HHAT: variants seen among roughly 807,000 people sequenced by gnomAD.
HHAT encodes the protein protein-cysteine N-palmitoyltransferase HHAT.
Under a neutral mutation model 70.8 loss-of-function variants are expected in HHAT, and 47 were observed. The ratio of observed to expected loss-of-function variants is 0.66; its 90% CI spans 0.53 to 0.85. The LOEUF (loss-of-function observed/expected upper bound fraction) is 0.85. HHAT is among the 40% of genes least tolerant of loss of function. The pLI, the probability that HHAT is intolerant of heterozygous loss-of-function variation, is 0.00. For missense variants in HHAT, 609 were observed against 604.8 expected, an observed-to-expected ratio of 1.01 and a Z score of -0.07; for synonymous variants, 228 against 247.6, an observed-to-expected ratio of 0.92 and a Z score of 0.74.
At chr1:210,497,806 C>G (rs890177643) in intron 8 of HHAT, among the ~76,000 whole-genome samples, 3 of 150,096 alleles carry the variant, frequency 2.0e-5, no homozygotes, top group Non-Finnish European at 1.5e-5. Flanking sequence ...GGCTCTGTTG[C>G]CCAGGCTGGA....
intron 8 of HHAT, among the ~76,000 whole-genome samples, chr1:210,499,383 T>A (rs2094710821): frequency 6.6e-6 from 1 of 152,146 alleles, no homozygotes; most frequent in Non-Finnish European, 1.5e-5. Flanking sequence ...ACGCCTGTAA[T>A]CCCAACACTT....
chr1:210,477,234 G>C (rs746321162), intron 8 of HHAT, among the ~76,000 whole-genome samples: 1 of 152,086 alleles, frequency 6.6e-6, no homozygotes, highest in Non-Finnish European at 1.5e-5. Context: ...ACCATATAAA[G>C]GCAACTGATC....
At chr1:210,457,423 A>G (rs971707135) in intron 7 of HHAT, among the ~76,000 whole-genome samples, 1 of 152,346 alleles carries the variant, frequency 6.6e-6, no homozygotes, top group Admixed American at 6.5e-5. Context: ...TGATGTGGAC[A>G]AAGTAAAAGT....
chr1:210,511,912 C>G lies in HHAT; in HGVS notation c.1008-1241C>G, dbSNP rs535434379. Among the ~76,000 whole-genome samples the G allele has an allele frequency of 8.6e-5, 13 of 151,316 alleles. No individual in the cohort carries two copies. In the South Asian group the frequency reaches 2.7e-3, roughly 32 times the overall value. On this transcript the variant is annotated intron_variant, in intron 8 of 11. Transcript: ENST00000261458. Reference sequence around the variant, plus strand: ...TCACGCCATTCTCCTGCTTCAGCCTCCTGACTAAGTGAGACTTCACTGGCC... The same window carrying G: ...TCACGCCATTCTCCTGCTTCAGCCTGCTGACTAAGTGAGACTTCACTGGCC...
chr1:210,555,822 T>C (rs1478059037), intron 9 of HHAT, among the ~76,000 whole-genome samples: 1 of 152,204 alleles, frequency 6.6e-6, no homozygotes, highest in East Asian at 1.9e-4. Context: ...TATGCATGTG[T>C]TGGACTCCAA....
chr1:210,460,523 C>T (rs1401180838), intron 7 of HHAT, among the ~76,000 whole-genome samples: 2 of 152,018 alleles, frequency 1.3e-5, no homozygotes, highest in Admixed American at 6.6e-5. Context: ...TGCCTGTCCT[C>T]GGGGTGTGGG....
intron 11 of HHAT, among the ~76,000 whole-genome samples, chr1:210,628,852 A>G (rs974993471): frequency 6.6e-6 from 1 of 152,218 alleles, no homozygotes; most frequent in Admixed American, 6.5e-5. Context: ...ACTCATTCCC[A>G]TCATATCTTC....
At chr1:210,336,029 G>T (rs747528924) in intron 1 of HHAT, among the ~76,000 whole-genome samples, 9 of 152,158 alleles carry the variant, frequency 5.9e-5, no homozygotes, top group Non-Finnish European at 1.0e-4. Context: ...TTCAAAACCA[G>T]ACAACTAAAT....
intron 9 of HHAT, among the ~76,000 whole-genome samples, chr1:210,543,267 T>C (rs1247510292): frequency 6.6e-6 from 1 of 151,980 alleles, no homozygotes; most frequent in African/African-American, 2.4e-5. Context: ...ATTTCATCAG[T>C]AGGATGGTTT....
At position 210,609,816 on chromosome 1, in the gene HHAT, T is replaced by C. The variant is rs575413348; in HGVS notation, c.1246-13710T>C. 2.0e-5 allele frequency among the ~76,000 whole-genome samples: 3 copies of C among 152,296 alleles called. No homozygotes were observed. The South Asian group carries it at 6.2e-4, about 32-fold the overall frequency. ...CTGAGGATAATGGCTTTCAACTCCA[T>C]CCATGTCCCTTCAAAGGATGTGATC... On this transcript the variant is annotated intron_variant, in intron 10 of 11. Transcript: ENST00000261458.
At chr1:210,415,053 A>C (rs375433240) in intron 6 of HHAT, among the ~76,000 whole-genome samples, 3 of 152,090 alleles carry the variant, frequency 2.0e-5, no homozygotes, top group East Asian at 3.9e-4. Context: ...AAAAATAACT[A>C]AACTCTCACC....
intron 7 of HHAT, among the ~76,000 whole-genome samples, chr1:210,426,728 G>C (rs569140610): frequency 6.6e-6 from 1 of 152,118 alleles, no homozygotes; most frequent in African/African-American, 2.4e-5. Flanking sequence ...TTAGTGTGGT[G>C]GTGGATTCAG....
At chr1:210,503,383 T>C (rs900342372) in intron 8 of HHAT, among the ~76,000 whole-genome samples, 3 of 152,168 alleles carry the variant, frequency 2.0e-5, no homozygotes, top group African/African-American at 7.2e-5. Context: ...AAGCCAGGCT[T>C]TCCCTCAGAA....
intron 2 of HHAT, among the ~76,000 whole-genome samples, chr1:210,361,866 C>T (rs1207857012): frequency 1.3e-5 from 2 of 152,144 alleles, no homozygotes; most frequent in Non-Finnish European, 2.9e-5. Context: ...CAGTTGCCTA[C>T]AGGACATCGC....
At position 210,426,518 on chromosome 1, in the gene HHAT, A is replaced by G. The variant is rs764370245; in HGVS notation, c.856+8193A>G. 3.9e-5 allele frequency among the ~76,000 whole-genome samples: 6 copies of G among 152,224 alleles called. No homozygotes were observed. The South Asian group carries it at 1.0e-3, about 26-fold the overall frequency. ...TTATTATTTTGAGGTATGTTCCTTT[A>G]ATATCTAGTTTATTGAGAGTGTTTA... On this transcript the variant is annotated intron_variant, in intron 7 of 11. Coordinates refer to ENST00000261458, the MANE Select transcript of HHAT (RefSeq NM_018194.6).
chr1:210,601,956 A>AGAGAGT (rs374229402), intron 10 of HHAT, among the ~76,000 whole-genome samples: 2 of 91,080 alleles, frequency 2.2e-5, no homozygotes, highest in African/African-American at 7.2e-5. Flanking sequence ...AGAGAGAGAG[A>AGAGAGT]GTATGTGTGT....
chr1:210,355,990 C>T (rs150053237), intron 2 of HHAT, among the ~76,000 whole-genome samples: 86 of 152,186 alleles, frequency 5.7e-4, no homozygotes, highest in African/African-American at 1.7e-3. Context: ...AGTCCTAGCT[C>T]GCTGCAAACT....
rs192226124 is a variant in HHAT, at chr1:210,535,565, C to T, written c.1043+22377C>T. ...ATCAGTAGGAGGGGGTAGACCAGTCCGCTTGGTGTGCAAACAGCTCTGTTC... is the reference window on the plus strand; with the variant it reads ...ATCAGTAGGAGGGGGTAGACCAGTCTGCTTGGTGTGCAAACAGCTCTGTTC... On this transcript the variant is annotated intron_variant, in intron 9 of 11. Coordinates refer to ENST00000261458, the MANE Select transcript of HHAT (RefSeq NM_018194.6). Among the ~76,000 whole-genome samples, 808 of 151,964 alleles carry T rather than the reference C, an allele frequency of 5.3e-3. 3 individuals are homozygous for T. The highest frequency in any genetic ancestry group is 9.2e-3 in the Non-Finnish European group (624 of 67,972).
rs1316112689 is a variant in HHAT, at chr1:210,601,968, A to AGTGTGT, written c.1245+13870_1245+13871insTGTGTG. On this transcript the variant is annotated intron_variant, in intron 10 of 11. Coordinates refer to ENST00000261458, the MANE Select transcript of HHAT (RefSeq NM_018194.6). ...GAGAGAGAGAGAGAGTATGTGTGTG[A>AGTGTGT]GAGTGTGTGTGTGTGTGTATGTGTG... is the stretch of plus-strand genomic sequence containing the variant. 3.1e-4 allele frequency among the ~76,000 whole-genome samples: 11 copies of AGTGTGT among 35,730 alleles called. No homozygotes were observed. In the South Asian group the frequency reaches 0.019, roughly 61 times the overall value. 23.4% of individuals were successfully genotyped at this position (35,730 alleles called of 152,430 possible). A position where few individuals can be genotyped will look rare whatever the true frequency, so the allele number is the denominator to read the frequency against.
Sources: allele counts gnomAD v4.1 joint callset (sites outside exome capture counted in the v4.1 genomes callset), GRCh38; gene constraint gnomAD v4.1.1; transcripts MANE v1.5; gene names NCBI Gene and HGNC (gene_info 2026-07-23, HGNC 2026-07-21).